Variants in DCC observed in about 807,000 individuals in gnomAD.
The protein encoded by DCC is netrin receptor DCC.
DCC carries 58 observed loss-of-function variants against 172.5 expected under a neutral mutation model. That is an observed-to-expected ratio of 0.34 (90% confidence interval 0.27 to 0.42). The LOEUF (loss-of-function observed/expected upper bound fraction) is 0.42, where lower values mean the gene tolerates loss of function less well. DCC is among the 10% of genes least tolerant of loss of function. DCC has a pLI of 1.00. For missense variants in DCC, 1,740 were observed against 1,791.0 expected (o/e 0.97, Z 0.51); for synonymous variants, 709 against 644.5 (o/e 1.10, Z -1.52).
At chr18:53,310,230 A>C (rs1460523444) in intron 13 of DCC, among the ~76,000 whole-genome samples, 2 of 152,082 alleles carry the variant, frequency 1.3e-5, no homozygotes, top group African/African-American at 4.8e-5. Context: ...CCCAGGATAT[A>C]TATAGCACTT....
chr18:52,967,755 C>T (rs573813510), intron 5 of DCC, among the ~76,000 whole-genome samples: 53 of 152,030 alleles, frequency 3.5e-4, no homozygotes, highest in African/African-American at 1.1e-3. Context: ...AAAATATATT[C>T]GGTATATTTA....
chr18:52,784,526 C>T (rs754105481), intron 2 of DCC, among the ~76,000 whole-genome samples: 6 of 152,022 alleles, frequency 3.9e-5, no homozygotes, highest in Non-Finnish European at 7.4e-5. Flanking sequence ...TTTGCATTCC[C>T]ATGAACAGTA....
chr18:53,444,915 T>C (rs1466300319), intron 22 of DCC, among the ~76,000 whole-genome samples: 6 of 152,236 alleles, frequency 3.9e-5, no homozygotes, highest in Non-Finnish European at 8.8e-5. Context: ...ATGCTTCTTT[T>C]GGTTACAACA....
chr18:53,320,679 G>T (rs1453357497), intron 13 of DCC, among the ~76,000 whole-genome samples: 2 of 152,178 alleles, frequency 1.3e-5, no homozygotes, highest in Admixed American at 1.3e-4. Context: ...GTGGTTGAAT[G>T]CTGTATATTA....
chr18:53,336,166 C>T (rs2144860031), intron 14 of DCC, among the ~76,000 whole-genome samples: 1 of 152,290 alleles, frequency 6.6e-6, no homozygotes, highest in East Asian at 1.9e-4. Context: ...TTCATATGTG[C>T]AAGCAGCATC....
At chr18:53,310,118 G>T (rs879085435) in intron 13 of DCC, among the ~76,000 whole-genome samples, 19 of 151,768 alleles carry the variant, frequency 1.3e-4, no homozygotes, top group African/African-American at 4.1e-4. Flanking sequence ...AACACCTGTT[G>T]CATTGCTAGA....
At chr18:52,423,579 A>T (rs1271319669) in intron 1 of DCC, among the ~76,000 whole-genome samples, 1 of 152,046 alleles carries the variant, frequency 6.6e-6, no homozygotes, top group Non-Finnish European at 1.5e-5. Context: ...CCATTCTGTC[A>T]GTAGGCAGAG....
At chr18:53,188,208 G>A (rs573391038) in intron 9 of DCC, among the ~76,000 whole-genome samples, 3 of 152,290 alleles carry the variant, frequency 2.0e-5, no homozygotes, top group Admixed American at 6.5e-5. Flanking sequence ...GGGGACCAGA[G>A]CTTTTAAGGC....
intron 5 of DCC, among the ~76,000 whole-genome samples, chr18:52,933,984 G>A (rs2040346591): frequency 6.6e-6 from 1 of 152,070 alleles, no homozygotes; most frequent in Non-Finnish European, 1.5e-5. Flanking sequence ...GGGAAATAAA[G>A]TAATATAAGA....
chr18:52,888,193 C>A (rs1021522646), intron 2 of DCC, among the ~76,000 whole-genome samples: 1 of 152,206 alleles, frequency 6.6e-6, no homozygotes, highest in Non-Finnish European at 1.5e-5. Flanking sequence ...GGTCTCATTG[C>A]TGATTGGCTG....
intron 24 of DCC, among the ~76,000 whole-genome samples, chr18:53,462,137 C>T (rs1043564841): frequency 6.6e-6 from 1 of 152,116 alleles, no homozygotes; most frequent in Non-Finnish European, 1.5e-5. Flanking sequence ...TATGTGGTAT[C>T]CAAATTCTGG....
intron 17 of DCC, among the ~76,000 whole-genome samples, chr18:53,396,744 TC>T (rs1908969727): frequency 6.6e-6 from 1 of 152,204 alleles, no homozygotes; most frequent in Non-Finnish European, 1.5e-5. Flanking sequence ...TCAATTAACT[TC>T]GTTACAAGTG....
rs539863654 is a variant in DCC, at chr18:53,528,996, C to G, written c.4255-1568C>G. On this transcript the variant is annotated intron_variant, in intron 28 of 28. Coordinates refer to ENST00000442544, the MANE Select transcript of DCC (RefSeq NM_005215.4). ...AATGAGTTGCCTAGTAATCCCCTCA[C>G]TTCAACTTCTCTCTCTCTCTCTCTC... is the stretch of plus-strand genomic sequence containing the variant. Among the ~76,000 whole-genome samples the G allele has an allele frequency of 2.1e-4, 31 of 144,372 alleles. No individual in the cohort carries two copies. The East Asian group carries it at 6.3e-3, about 29-fold the overall frequency. 94.7% of individuals were successfully genotyped at this position (144,372 alleles called of 152,430 possible). A position where few individuals can be genotyped will look rare whatever the true frequency, so the allele number is the denominator to read the frequency against.
intron 2 of DCC, among the ~76,000 whole-genome samples, chr18:52,836,140 G>A (rs1023879129): frequency 6.6e-6 from 1 of 152,130 alleles, no homozygotes; most frequent in Non-Finnish European, 1.5e-5. Context: ...ACTATCATGA[G>A]AACAGGATGG....
chr18:52,868,075 G>GTA (rs1340440740), intron 2 of DCC, among the ~76,000 whole-genome samples: 8 of 121,034 alleles, frequency 6.6e-5, no homozygotes, highest in African/African-American at 2.0e-4. Flanking sequence ...GTGTGTGTGT[G>GTA]TGTATATATG....
chr18:52,542,038 A>T (rs2032476750), intron 1 of DCC, among the ~76,000 whole-genome samples: 1 of 148,300 alleles, frequency 6.7e-6, no homozygotes, highest in Admixed American at 6.8e-5. Flanking sequence ...AAATATATAT[A>T]TTTATAATAC....
intron 2 of DCC, among the ~76,000 whole-genome samples, chr18:52,884,335 G>T (rs547128709): frequency 1.3e-5 from 2 of 150,666 alleles, no homozygotes; most frequent in South Asian, 4.2e-4. Context: ...TGAAATATTT[G>T]CCTTTTAAGT....
chr18:53,222,908 T>A (rs1422732974), intron 12 of DCC, among the ~76,000 whole-genome samples: 1 of 152,130 alleles, frequency 6.6e-6, no homozygotes, highest in Non-Finnish European at 1.5e-5. Context: ...AACAATGTAC[T>A]CCATAAATTG....
chr18:52,935,169 G>C (rs139562722), intron 5 of DCC, among the ~76,000 whole-genome samples: 96 of 149,050 alleles, frequency 6.4e-4, no homozygotes, highest in African/African-American at 2.2e-3. Flanking sequence ...ATTTCTAGGA[G>C]TGTAAAAAAT....
Sources: allele counts gnomAD v4.1 joint callset (sites outside exome capture counted in the v4.1 genomes callset), GRCh38; gene constraint gnomAD v4.1.1; transcripts MANE v1.5; gene names NCBI Gene and HGNC (gene_info 2026-07-23, HGNC 2026-07-21).